Variants in ANKRD6 observed in about 807,000 individuals in gnomAD.
ANKRD6 encodes ankyrin repeat domain-containing protein 6.
A neutral mutation model predicts 82.3 loss-of-function variants in ANKRD6; 56 were observed. The observed-to-expected ratio is 0.68, with a 90% CI of 0.55 to 0.85. The LOEUF (loss-of-function observed/expected upper bound fraction) is 0.85. ANKRD6 is among the 40% of genes least tolerant of loss of function. The pLI is 0.00. For missense variants in ANKRD6, 852 were observed against 907.6 expected, an observed-to-expected ratio of 0.94 and a Z score of 0.79; for synonymous variants, 347 against 352.1, an observed-to-expected ratio of 0.99 and a Z score of 0.16.
chr6:89,552,700 G>A (rs1355550135), intron 1 of ANKRD6, among the ~76,000 whole-genome samples: 1 of 152,112 alleles, frequency 6.6e-6, no homozygotes, highest in African/African-American at 2.4e-5. Context: ...CTACTCCCTT[G>A]GGAGTAGCTC....
intron 1 of ANKRD6, among the ~76,000 whole-genome samples, chr6:89,468,393 T>G (rs1182605608): frequency 1.3e-5 from 2 of 152,120 alleles, no homozygotes; most frequent in Non-Finnish European, 2.9e-5. Context: ...TTATAAATAT[T>G]TCGATCTTAT....
chr6:89,455,731 C>T (rs1773426350), intron 1 of ANKRD6, among the ~76,000 whole-genome samples: 1 of 152,120 alleles, frequency 6.6e-6, no homozygotes. Flanking sequence ...GCCTGCTTCC[C>T]CTTCACCTTC....
chr6:89,596,408 C>T (rs1428279611), intron 3 of ANKRD6, among the ~76,000 whole-genome samples: 1 of 151,948 alleles, frequency 6.6e-6, no homozygotes, highest in Non-Finnish European at 1.5e-5. Context: ...ACCAAATTTA[C>T]CATTGGAGAA....
chr6:89,514,703 G>A (rs1484126803), intron 1 of ANKRD6, among the ~76,000 whole-genome samples: 7 of 152,156 alleles, frequency 4.6e-5, no homozygotes, highest in Non-Finnish European at 8.8e-5. Context: ...GTACATGTTT[G>A]TATTTCTGTT....
chr6:89,518,415 A>T (rs990221588), intron 1 of ANKRD6, among the ~76,000 whole-genome samples: 8 of 152,074 alleles, frequency 5.3e-5, no homozygotes, highest in Non-Finnish European at 1.2e-4. Flanking sequence ...AAAAAAAAAA[A>T]AATAAGTATC....
rs1807379268 is a variant in ANKRD6 at position 89,631,487 on chromosome 6, C to T, written c.*483C>T. The T allele has an allele frequency of 6.6e-6, 1 of 152,370 alleles. No homozygotes were observed. The highest frequency in any genetic ancestry group is 1.5e-5 in the Non-Finnish European group (1 of 68,150). The allele number at this position is 152,370 out of a possible 1,614,324, so 9.4% of individuals were successfully genotyped here. A position where few individuals can be genotyped will look rare whatever the true frequency, so the allele number is the denominator to read the frequency against. On this transcript the variant is annotated 3_prime_UTR_variant, in exon 16 of 16. Transcript: ENST00000339746. ...AACTCTGAGATGTGCTAAATAAACC[C>T]TCTTTCTCAAATTCGTAATTCTCCA... is the stretch of plus-strand genomic sequence containing the variant.
At chr6:89,452,936 G>A (rs1773030546) in intron 1 of ANKRD6, among the ~76,000 whole-genome samples, 1 of 152,140 alleles carries the variant, frequency 6.6e-6, no homozygotes, top group Non-Finnish European at 1.5e-5. Flanking sequence ...AAAGGTGACC[G>A]CTGGACTGAT....
At chr6:89,510,771 A>G (rs1333936550) in intron 1 of ANKRD6, among the ~76,000 whole-genome samples, 2 of 152,170 alleles carry the variant, frequency 1.3e-5, no homozygotes, top group Admixed American at 1.3e-4. Context: ...TTTTATATAA[A>G]TACAATCATA....
intron 10 of ANKRD6, among the ~76,000 whole-genome samples, chr6:89,622,726 C>T (rs1324624178): frequency 6.6e-6 from 1 of 152,090 alleles, no homozygotes; most frequent in Non-Finnish European, 1.5e-5. Flanking sequence ...GCCGTGTAGC[C>T]CTGGAATAAA....
chr6:89,496,157 G>A (rs1039847309), intron 1 of ANKRD6, among the ~76,000 whole-genome samples: 12 of 151,326 alleles, frequency 7.9e-5, no homozygotes, highest in Non-Finnish European at 1.5e-4. Flanking sequence ...ATGGGGATTA[G>A]CAAGCTTTTT....
chr6:89,496,408 G>A (rs1778626362), intron 1 of ANKRD6, among the ~76,000 whole-genome samples: 2 of 152,222 alleles, frequency 1.3e-5, no homozygotes, highest in Non-Finnish European at 2.9e-5. Context: ...TGTAAACACA[G>A]AGATGTGGGC....
Position 89,631,922 on chromosome 6 carries a change from A to T in ANKRD6, c.*918A>T, listed in dbSNP as rs1042827356. ...TTTTGAATTCTGTCATTAACCTCAA[A>T]AGCTTTCTACTGCTTTGCGGTGAAG... On this transcript the variant is annotated 3_prime_UTR_variant, in exon 16 of 16. Transcript: ENST00000339746. 6.6e-6 allele frequency: 1 copy of T among 152,260 alleles called. No homozygotes were observed. Among genetic ancestry groups the T allele is most frequent in the African/African-American group, 2.4e-5 (1 of 41,470 alleles). 9.4% of individuals were successfully genotyped at this position (152,260 alleles called of 1,614,324 possible).
chr6:89,591,123 G>GA (rs66776767), intron 2 of ANKRD6, among the ~76,000 whole-genome samples: 3 of 151,308 alleles, frequency 2.0e-5, no homozygotes, highest in Non-Finnish European at 4.4e-5. Flanking sequence ...CTTTTTTTAA[G>GA]GAGAAGGTCT....
At chr6:89,593,916 C>T (rs1010865128) in intron 2 of ANKRD6, among the ~76,000 whole-genome samples, 2 of 152,146 alleles carry the variant, frequency 1.3e-5, no homozygotes, top group African/African-American at 2.4e-5. Flanking sequence ...CCTTGGGAGC[C>T]GACATGCTTA....
At chr6:89,543,486 T>C (rs145645515) in intron 1 of ANKRD6, among the ~76,000 whole-genome samples, 4 of 152,302 alleles carry the variant, frequency 2.6e-5, no homozygotes, top group Non-Finnish European at 5.9e-5. Context: ...AGAACCACCA[T>C]TTTAGATCCT....
intron 1 of ANKRD6, among the ~76,000 whole-genome samples, chr6:89,489,141 C>T (rs1172164863): frequency 6.6e-6 from 1 of 152,116 alleles, no homozygotes; most frequent in Non-Finnish European, 1.5e-5. Context: ...GAAGGGGTCT[C>T]AGTGCCACAG....
At chr6:89,537,273 C>T (rs1783951237) in intron 1 of ANKRD6, among the ~76,000 whole-genome samples, 1 of 152,092 alleles carries the variant, frequency 6.6e-6, no homozygotes, top group African/African-American at 2.4e-5. Context: ...GAGCATGAGG[C>T]TGACCTAGCA....
At chr6:89,524,607 A>AT (rs967660752) in intron 1 of ANKRD6, among the ~76,000 whole-genome samples, 5 of 151,960 alleles carry the variant, frequency 3.3e-5, no homozygotes, top group Non-Finnish European at 7.4e-5. Flanking sequence ...TATATACCAC[A>AT]TTTTTTTTAG....
chr6:89,538,295 C>G (rs1375050310), intron 1 of ANKRD6, among the ~76,000 whole-genome samples: 1 of 152,122 alleles, frequency 6.6e-6, no homozygotes, highest in Non-Finnish European at 1.5e-5. Flanking sequence ...AGCAGAGCTT[C>G]TCAAAGTGTG....
Sources: allele counts gnomAD v4.1 joint callset (sites outside exome capture counted in the v4.1 genomes callset), GRCh38; gene constraint gnomAD v4.1.1; transcripts MANE v1.5; gene names NCBI Gene and HGNC (gene_info 2026-07-23, HGNC 2026-07-21).